Variants in CHODL observed in about 807,000 individuals in gnomAD.
CHODL encodes chondrolectin, also known as transmembrane protein MT75.
Under a neutral mutation model 34.5 loss-of-function variants are expected in CHODL, and 29 were observed. The ratio of observed to expected loss-of-function variants is 0.84; its 90% CI spans 0.63 to 1.15. The LOEUF is 1.15. Among genes scored for constraint, CHODL ranks in the 50% most tolerant of loss-of-function variants. CHODL has a pLI of 0.00. For missense variants in CHODL, 332 were observed against 332.5 expected (o/e 1.00, Z 0.01); for synonymous variants, 125 against 116.1 (o/e 1.08, Z -0.49).
rs1448034964 is a variant in CHODL, at chr21:18,256,786, C to T, written c.357C>T (p.Tyr119=). The change falls in exon 2 of 6, where the codon TAC becomes TAT. Residue 119 remains tyrosine, a synonymous_variant. Coordinates refer to ENST00000299295, the MANE Select transcript of CHODL (RefSeq NM_024944.3). ...CATCTGGTGCCTGCCCAGATCTCTA[C>T]CAGTGGTCTGATGGAAGCAATTCCC... ...GQTSGACPDL[Y]QWSDGSNSQY... 1 of 1,613,828 alleles carries T rather than the reference C, an allele frequency of 6.2e-7. No individual in the cohort carries two copies. The highest frequency in any genetic ancestry group is 2.2e-5 in the East Asian group (1 of 44,894).
At chr21:18,098,321 A>T (rs2065165474) in intron 2 of CHODL, among the ~76,000 whole-genome samples, 1 of 152,064 alleles carries the variant, frequency 6.6e-6, no homozygotes, top group African/African-American at 2.4e-5. Context: ...ATGATAAGGA[A>T]TTAATAACCA....
intron 2 of CHODL, among the ~76,000 whole-genome samples, chr21:18,074,584 C>G (rs1013525340): frequency 5.3e-5 from 8 of 152,114 alleles, no homozygotes; most frequent in African/African-American, 1.9e-4. Context: ...CTAATTGATT[C>G]AAATACTTGA....
At chr21:18,083,155 C>T (rs953873036) in intron 2 of CHODL, among the ~76,000 whole-genome samples, 2 of 152,174 alleles carry the variant, frequency 1.3e-5, no homozygotes, top group African/African-American at 4.8e-5. Flanking sequence ...GACATGGCAC[C>T]CTGTATCCAA....
intron 2 of CHODL, among the ~76,000 whole-genome samples, chr21:18,061,397 G>A (rs1414507565): frequency 6.6e-6 from 1 of 152,146 alleles, no homozygotes; most frequent in Non-Finnish European, 1.5e-5. Context: ...ATGTCTCATA[G>A]GAAAATAACA....
At chr21:18,000,401 T>C (rs2146398742) in intron 1 of CHODL, among the ~76,000 whole-genome samples, 1 of 152,302 alleles carries the variant, frequency 6.6e-6, no homozygotes, top group East Asian at 1.9e-4. Flanking sequence ...GGTGTTATAA[T>C]TGTAAGATAT....
chr21:18,004,682 C>A (rs977939602), intron 1 of CHODL, among the ~76,000 whole-genome samples: 1 of 152,158 alleles, frequency 6.6e-6, no homozygotes, highest in African/African-American at 2.4e-5. Flanking sequence ...AAAGCTCATG[C>A]AAACTCTTAC....
intron 1 of CHODL, among the ~76,000 whole-genome samples, chr21:17,919,930 C>A (rs1244111726): frequency 6.6e-6 from 1 of 152,184 alleles, no homozygotes; most frequent in African/African-American, 2.4e-5. Context: ...GGACAAAATG[C>A]TGCCAGCCTC....
chr21:18,161,077 T>C (rs1306343625), intron 2 of CHODL, among the ~76,000 whole-genome samples: 8 of 152,192 alleles, frequency 5.3e-5, no homozygotes, highest in Admixed American at 3.9e-4. Context: ...GTTTCTTAAG[T>C]GATGTTGAGC....
chr21:18,170,424 CAG>C (rs1160062443), intron 2 of CHODL, among the ~76,000 whole-genome samples: 17 of 152,086 alleles, frequency 1.1e-4, no homozygotes, highest in Non-Finnish European at 2.4e-4. Flanking sequence ...GCTGATTAAA[CAG>C]AATCTACATC....
intron 2 of CHODL, among the ~76,000 whole-genome samples, chr21:18,147,058 T>A (rs1166759358): frequency 1.3e-5 from 2 of 152,220 alleles, no homozygotes; most frequent in Non-Finnish European, 2.9e-5. Flanking sequence ...GAGCTTCATG[T>A]TCTGACCATT....
intron 2 of CHODL, among the ~76,000 whole-genome samples, chr21:18,110,840 T>A (rs1034932818): frequency 2.6e-5 from 4 of 152,172 alleles, no homozygotes; most frequent in Non-Finnish European, 5.9e-5. Context: ...ACCAAGGATT[T>A]TCATTTTCAT....
At chr21:18,104,650 C>G (rs1601008682) in intron 2 of CHODL, among the ~76,000 whole-genome samples, 1 of 152,256 alleles carries the variant, frequency 6.6e-6, no homozygotes, top group East Asian at 1.9e-4. Flanking sequence ...CTTGAAGAAC[C>G]TAGACACAAG....
intron 1 of CHODL, among the ~76,000 whole-genome samples, chr21:17,965,380 G>T (rs952161841): frequency 1.3e-5 from 2 of 152,046 alleles, no homozygotes; most frequent in African/African-American, 4.8e-5. Flanking sequence ...ACAATATATA[G>T]TGCAGTCATA....
At chr21:18,227,127 T>C (rs772903451) in intron 2 of CHODL, among the ~76,000 whole-genome samples, 23 of 152,112 alleles carry the variant, frequency 1.5e-4, no homozygotes, top group African/African-American at 2.2e-4. Context: ...AGGCAACTTT[T>C]TGGGGCTTGT....
chr21:18,007,435 G>T (rs1000459458), intron 1 of CHODL, among the ~76,000 whole-genome samples: 1 of 152,152 alleles, frequency 6.6e-6, no homozygotes, highest in African/African-American at 2.4e-5. Context: ...TAAAACTCTC[G>T]TCAAACTGAT....
intron 2 of CHODL, among the ~76,000 whole-genome samples, chr21:18,099,412 A>G (rs1287962242): frequency 6.6e-6 from 1 of 151,432 alleles, no homozygotes; most frequent in Non-Finnish European, 1.5e-5. Context: ...AAATAATAAT[A>G]TATATTACAA....
At position 18,014,910 on chromosome 21, in the gene CHODL, C is replaced by T. The variant is rs149834831; in HGVS notation, c.-144-12962C>T. Among the ~76,000 whole-genome samples the T allele has an allele frequency of 6.6e-3, 1,003 of 152,272 alleles. 3 individuals are homozygous for T. The highest frequency in any genetic ancestry group is 0.011 in the South Asian group (55 of 4,826). On this transcript the variant is annotated intron_variant, in intron 1 of 6. Coordinates refer to the CHODL transcript ENST00000400127. ...TGGCCTAATACAGAAAATTGGTACA[C>T]AGAGTGGGATGTTGCTATAAAGATA...
intron 1 of CHODL, among the ~76,000 whole-genome samples, chr21:17,964,642 CCAGA>C (rs1379395498): frequency 6.6e-6 from 1 of 152,076 alleles, no homozygotes; most frequent in African/African-American, 2.4e-5. Flanking sequence ...GGATTATTTC[CCAGA>C]CAAATAATTC....
At chr21:17,946,172 CT>C (rs1568810911) in intron 1 of CHODL, among the ~76,000 whole-genome samples, 1 of 152,312 alleles carries the variant, frequency 6.6e-6, no homozygotes, top group African/African-American at 2.4e-5. Flanking sequence ...AATCCCAGCA[CT>C]TTGGGAGGCC....
Sources: gnomAD v4.1 joint callset for allele counts (sites outside exome capture counted in the v4.1 genomes callset) on GRCh38, gnomAD v4.1.1 for gene constraint, MANE v1.5 for transcripts, NCBI Gene and HGNC (gene_info 2026-07-23, HGNC 2026-07-21) for gene names.